TGFBI: variants seen among roughly 807,000 people sequenced by gnomAD.
TGFBI encodes the protein transforming growth factor beta induced, also known as transforming growth factor-beta-induced protein ig-h3.
TGFBI carries 50 observed loss-of-function variants against 73.7 expected under a neutral mutation model. That is an observed-to-expected ratio of 0.68 (90% CI 0.54 to 0.86). TGFBI has a LOEUF of 0.86. TGFBI is among the 40% of genes least tolerant of loss of function. TGFBI has a pLI of 0.00. For synonymous variants in TGFBI, 362 were observed against 360.5 expected (o/e 1.00, Z -0.05); for missense variants, 839 against 877.0 (o/e 0.96, Z 0.55).
At chr5:136,050,919 T>G (rs982459385) in intron 7 of TGFBI, among the ~76,000 whole-genome samples, 1 of 152,136 alleles carries the variant, frequency 6.6e-6, no homozygotes, top group South Asian at 2.1e-4. Context: ...AGCACAGCCT[T>G]TGCCTCCAAG....
chr5:136,034,112 GA>G (rs1390868178), intron 2 of TGFBI, among the ~76,000 whole-genome samples: 1 of 151,728 alleles, frequency 6.6e-6, no homozygotes, highest in African/African-American at 2.4e-5. Context: ...CAAGAAACAT[GA>G]AACACTGCGT....
At chr5:136,049,202 A>T in intron 6 of TGFBI, 1 of 477,002 alleles carries the variant, frequency 2.1e-6, no homozygotes, top group Non-Finnish European at 3.8e-6. Context: ...ACTTGGGGGC[A>T]GGAAGAGGAA....
At chr5:136,050,423 A>G (rs1395493594) in intron 7 of TGFBI, among the ~76,000 whole-genome samples, 2 of 151,944 alleles carry the variant, frequency 1.3e-5, no homozygotes, top group African/African-American at 2.4e-5. Flanking sequence ...CTGCTAAGTT[A>G]GGCAGTGCAT....
Position 136,053,944 on chromosome 5 carries a change from C to T in TGFBI, c.1128C>T (p.Ala376=). 1 of 1,613,846 alleles carries T rather than the reference C, an allele frequency of 6.2e-7. No homozygotes were observed. Among genetic ancestry groups the T allele is most frequent in the Non-Finnish European group, 8.5e-7 (1 of 1,179,748 alleles). ...AACCCACTTTCTCCTTCCTTGTAGC[C>T]AAGACACTATTTGAATTGGCTGCAG... ...YIDELLIPDS[A]KTLFELAAES... is the part of the protein sequence containing the mutation. Residue 376 remains alanine (A), a splice_region_variant and synonymous_variant, in exon 9 of 17, where the codon GCC becomes GCT. Transcript: ENST00000442011.
chr5:136,049,247 G>T, intron 6 of TGFBI, 192 bp from the exon 7 acceptor site: 1 of 611,154 alleles, frequency 1.6e-6, no homozygotes, highest in Non-Finnish European at 2.7e-6. Context: ...GGCCAGGCTG[G>T]CTGGAGCTCA....
chr5:136,057,780 C>T (rs191635768), intron 12 of TGFBI, among the ~76,000 whole-genome samples: 4 of 152,222 alleles, frequency 2.6e-5, no homozygotes, highest in East Asian at 1.9e-4. Context: ...AAGTTGAATT[C>T]GTGTCCTGTT....
rs76212104 is a variant in TGFBI, at chr5:136,046,482, C to A, written c.446C>A (p.Ala149Asp). 8 of 1,608,232 alleles carry A rather than the reference C, an allele frequency of 5.0e-6. No homozygotes were observed. The Admixed American group carries it at 1.3e-4, about 27-fold the overall frequency. Residue 149 changes from alanine (A) to aspartate (D), a missense_variant, in exon 4 of 17, where the codon GCC (alanine) becomes GAC (aspartate). Transcript: ENST00000442011. Reference sequence around the variant, plus strand: ...TTCGCCCCTAGCAACGAGGCCTGGGCCTCCTTGCCAGCTGTGAGATGACCT... The same window carrying A: ...TTCGCCCCTAGCAACGAGGCCTGGGACTCCTTGCCAGCTGTGAGATGACCT... Reference protein sequence around the residue: ...TIFAPSNEAWASLPAEVLDSL... With the variant: ...TIFAPSNEAWDSLPAEVLDSL...
At chr5:136,061,711 C>G in intron 15 of TGFBI, 132 bp downstream of exon 15, 1 of 749,454 alleles carries the variant, frequency 1.3e-6, no homozygotes, top group Non-Finnish European at 2.3e-6. Flanking sequence ...TCCCCACTCC[C>G]ACTGAGGCAT....
Position 136,047,328 on chromosome 5 carries a change from G to C in TGFBI, c.679G>C (p.Gly227Arg). 6.2e-7 allele frequency: 1 copy of C among 1,613,746 alleles called. No individual in the cohort carries two copies. Among genetic ancestry groups the C allele is most frequent in the South Asian group, 1.1e-5 (1 of 91,080 alleles). The change falls in exon 6 of 17, where the codon GGG becomes CGG. Residue 227 changes from glycine to arginine, a missense_variant. By Grantham distance (125) the Gly-to-Arg change is moderately radical. Transcript: ENST00000442011. ...LLKADHHATN[G>R]VVHLIDKVIS... ...GAAAGCCGACCACCATGCAACCAAC[G>C]GGGTGGTGCACCTCATCGATAAGGT...
chr5:136,054,976 C>G, intron 10 of TGFBI, 115 bp downstream of exon 10: 2 of 1,248,540 alleles, frequency 1.6e-6, no homozygotes, highest in East Asian at 2.3e-5. Context: ...TGGTTGCTGA[C>G]AAGGAAGGAA....
chr5:136,038,517 C>T (rs981050964), intron 2 of TGFBI, among the ~76,000 whole-genome samples: 3 of 151,522 alleles, frequency 2.0e-5, no homozygotes, highest in Non-Finnish European at 4.4e-5. Context: ...GAGTTGGAGA[C>T]CAGCCTGACC....
At chr5:136,057,664 A>G (rs1205259600) in intron 12 of TGFBI, among the ~76,000 whole-genome samples, 2 of 152,020 alleles carry the variant, frequency 1.3e-5, no homozygotes, top group African/African-American at 4.8e-5. Context: ...GACCAAGGAA[A>G]AGGAGGAGGA....
chr5:136,033,759 T>C lies in TGFBI; in HGVS notation c.135-4T>C, dbSNP rs373619101. 1.9e-6 allele frequency: 3 copies of C among 1,612,962 alleles called. No individual in the cohort carries two copies. The highest frequency in any genetic ancestry group is 2.5e-6 in the Non-Finnish European group (3 of 1,179,118). ...CTTCCTAATTCTGCTGCTTTTGTTT[T>C]CAGCCCCAACGTGTGTGCTGTGCAG... On this transcript the variant is annotated splice_region_variant and splice_polypyrimidine_tract_variant and intron_variant, in intron 1 of 16. Transcript: ENST00000442011.
chr5:136,052,801 C>T, intron 7 of TGFBI, 106 bp from the exon 8 acceptor site: 2 of 1,106,916 alleles, frequency 1.8e-6, no homozygotes. Context: ...ATCTGAGGGT[C>T]CTCATCTGAG....
rs776289180 is a variant in TGFBI at position 136,061,460 on chromosome 5, G to A, written c.1907-40G>A. ...GGTTGTTATGAATGACATGCTAATGGTTTCACTCTGGTCAAACCTGCCTTT... is the reference window on the plus strand; with the variant it reads ...GGTTGTTATGAATGACATGCTAATGATTTCACTCTGGTCAAACCTGCCTTT... On this transcript the variant is annotated intron_variant, in intron 14 of 16. Transcript: ENST00000442011. 6.3e-5 allele frequency: 93 copies of A among 1,475,522 alleles called. 1 individual carries two copies. The highest frequency in any genetic ancestry group is 8.0e-5 in the Non-Finnish European group (86 of 1,072,282). The allele number at this position is 1,475,522 out of a possible 1,614,324, so 91.4% of individuals were successfully genotyped here.
At chr5:136,033,228 C>A (rs1201421969) in intron 1 of TGFBI, among the ~76,000 whole-genome samples, 1 of 152,176 alleles carries the variant, frequency 6.6e-6, no homozygotes, top group Non-Finnish European at 1.5e-5. Flanking sequence ...TCATCTGGGA[C>A]ATTGGAGAAA....
At chr5:136,062,188 G>A (rs1751760811) in intron 15 of TGFBI, among the ~76,000 whole-genome samples, 1 of 152,184 alleles carries the variant, frequency 6.6e-6, no homozygotes, top group Admixed American at 6.5e-5. Flanking sequence ...CGGGTCAGGT[G>A]GAGCCTCTTG....
At chr5:136,029,249 A>T in intron 1 of TGFBI, 60 bp downstream of exon 1, 2 of 1,411,932 alleles carry the variant, frequency 1.4e-6, no homozygotes, top group Non-Finnish European at 1.8e-6. Context: ...CTCGGAGCGC[A>T]AGCCGCTGGG....
chr5:136,034,155 C>T (rs1338287779), intron 2 of TGFBI, among the ~76,000 whole-genome samples: 1 of 151,952 alleles, frequency 6.6e-6, no homozygotes, highest in Non-Finnish European at 1.5e-5. Context: ...TCTCAATCCT[C>T]ATAAAATAAT....
Sources: gnomAD v4.1 joint callset for allele counts (sites outside exome capture counted in the v4.1 genomes callset) on GRCh38, gnomAD v4.1.1 for gene constraint, MANE v1.5 for transcripts, NCBI Gene and HGNC (gene_info 2026-07-23, HGNC 2026-07-21) for gene names.